Variants in AGAP1 observed in about 807,000 individuals in gnomAD.
The protein encoded by AGAP1 is arf-GAP with GTPase, ANK repeat and PH domain-containing protein 1.
AGAP1 carries 29 observed loss-of-function variants against 105.3 expected under a neutral mutation model. The observed-to-expected ratio is 0.28, with a 90% CI of 0.21 to 0.38. AGAP1 has a LOEUF of 0.38. Among genes scored for constraint, AGAP1 ranks in the 10% least tolerant of loss-of-function variants. AGAP1 has a pLI of 1.00. For missense variants in AGAP1, 998 were observed against 1,165.1 expected, an observed-to-expected ratio of 0.86 and a Z score of 2.09; for synonymous variants, 509 against 485.9, an observed-to-expected ratio of 1.05 and a Z score of -0.63.
chr2:236,015,371 A>T (rs544193050), intron 13 of AGAP1, among the ~76,000 whole-genome samples: 4 of 114,688 alleles, frequency 3.5e-5, no homozygotes, highest in Admixed American at 3.2e-4. Flanking sequence ...GGCCCGGGCC[A>T]TTTGCATGGG....
chr2:235,702,999 C>T (rs559023262), intron 1 of AGAP1, among the ~76,000 whole-genome samples: 1 of 134,640 alleles, frequency 7.4e-6, no homozygotes, highest in Non-Finnish European at 1.5e-5. Flanking sequence ...GCAATCTCAG[C>T]TCACTGCCAC....
At chr2:236,010,430 T>C (rs947636052) in intron 13 of AGAP1, among the ~76,000 whole-genome samples, 23 of 152,206 alleles carry the variant, frequency 1.5e-4, no homozygotes, top group African/African-American at 5.3e-4. Flanking sequence ...AGATTTGCTG[T>C]TTATAACGAT....
intron 11 of AGAP1, among the ~76,000 whole-genome samples, chr2:235,922,296 A>T (rs1370989716): frequency 6.6e-6 from 1 of 152,204 alleles, no homozygotes; most frequent in African/African-American, 2.4e-5. Flanking sequence ...AATAGAAGGT[A>T]TACAATTCTG....
intron 16 of AGAP1, among the ~76,000 whole-genome samples, chr2:236,112,846 G>A (rs2059683935): frequency 6.6e-6 from 1 of 152,250 alleles, no homozygotes. Context: ...TATGGCCCCA[G>A]GCCTGTCCTG....
In AGAP1 at chr2:235,882,211, G is replaced by A. The variant is rs895633196; in HGVS notation, c.1051-1134G>A. ...GAATTTGGCAATCTGATTGGGGGTGGTCCTTCAGAGACCCACAGGCCAGTG... is the reference window on the plus strand; with the variant it reads ...GAATTTGGCAATCTGATTGGGGGTGATCCTTCAGAGACCCACAGGCCAGTG... On this transcript the variant is annotated intron_variant, in intron 9 of 17. Transcript: ENST00000304032. The surrounding 1 kb of genome is among the most constrained non-coding windows in gnomAD (Gnocchi z 4.6). 2.0e-5 allele frequency among the ~76,000 whole-genome samples: 3 copies of A among 152,086 alleles called. No homozygotes were observed. The highest frequency in any genetic ancestry group is 6.6e-5 in the Admixed American group (1 of 15,258).
chr2:235,981,720 G>A lies in AGAP1; in HGVS notation c.1645+13097G>A, dbSNP rs909213374. Among the ~76,000 whole-genome samples the A allele has an allele frequency of 6.6e-6, 1 of 152,100 alleles. No homozygotes were observed. Among genetic ancestry groups the A allele is most frequent in the African/African-American group, 2.4e-5 (1 of 41,410 alleles). On this transcript the variant is annotated intron_variant, in intron 13 of 17. Transcript: ENST00000304032. The surrounding 1 kb of genome is among the most constrained non-coding windows in gnomAD (Gnocchi z 5.5). ...ACCTGGGAGGTGGGTGCCGTTATCC[G>A]CATTTTTATAACTGAGGAAACCGAG... is the stretch of plus-strand genomic sequence containing the variant.
At position 235,701,034 on chromosome 2, in the gene AGAP1, AAT is replaced by A. The variant is rs1208590417; in HGVS notation, c.164-8141_164-8140del. ...TATATGTATATATTATATATGCTATAATATAGTTATATGTATATATTATATAT... is the reference window on the plus strand; with the variant it reads ...TATATGTATATATTATATATGCTATAATAGTTATATGTATATATTATATAT... On this transcript the variant is annotated intron_variant, in intron 1 of 17. Coordinates refer to ENST00000304032, the MANE Select transcript of AGAP1 (RefSeq NM_001037131.3). This position sits in a 1 kb window ranked among gnomAD's most constrained non-coding sequence, Gnocchi z 4.1. Among the ~76,000 whole-genome samples, 3 of 139,902 alleles carry A rather than the reference AAT, an allele frequency of 2.1e-5. No homozygotes were observed. Among genetic ancestry groups the A allele is most frequent in the Admixed American group, 7.2e-5 (1 of 13,934 alleles). 91.8% of individuals were successfully genotyped at this position (139,902 alleles called of 152,430 possible). A position where few individuals can be genotyped will look rare whatever the true frequency, so the allele number is the denominator to read the frequency against.
At position 235,714,053 on chromosome 2, in the gene AGAP1, G is replaced by A. The variant is rs1312233438; in HGVS notation, c.223-3504G>A. ...TTTTGAGACAGAGTCTCACTCTGTC[G>A]CCCAGGCTGGAGTGCGGTGGTGCAA... is the stretch of plus-strand genomic sequence containing the variant. On this transcript the variant is annotated intron_variant, in intron 2 of 17. Coordinates refer to ENST00000304032, the MANE Select transcript of AGAP1 (RefSeq NM_001037131.3). The surrounding 1 kb of genome is among the most constrained non-coding windows in gnomAD (Gnocchi z 4.1). Among the ~76,000 whole-genome samples, 1 of 151,922 alleles carries A rather than the reference G, an allele frequency of 6.6e-6. No homozygotes were observed. The highest frequency in any genetic ancestry group is 1.5e-5 in the Non-Finnish European group (1 of 67,990).
In AGAP1 at chr2:235,556,565, G is replaced by A. The variant is rs1464747560; in HGVS notation, c.163+61716G>A. Among the ~76,000 whole-genome samples, 1 of 152,206 alleles carries A rather than the reference G, an allele frequency of 6.6e-6. No homozygotes were observed. Among genetic ancestry groups the A allele is most frequent in the Non-Finnish European group, 1.5e-5 (1 of 68,026 alleles). On this transcript the variant is annotated intron_variant, in intron 1 of 17. Coordinates refer to ENST00000304032, the MANE Select transcript of AGAP1 (RefSeq NM_001037131.3). This position sits in a 1 kb window ranked among gnomAD's most constrained non-coding sequence, Gnocchi z 5.3. ...TGACCAGGCACCTTGGGGGAGGGAA[G>A]GCATCAGGAGCCTTCTGCTGAGTTC...
rs539356579 is a variant in AGAP1 at position 235,857,482 on chromosome 2, G to A, written c.1051-25863G>A. 7.9e-5 allele frequency among the ~76,000 whole-genome samples: 12 copies of A among 152,268 alleles called. No homozygotes were observed. In the South Asian group the frequency reaches 2.1e-3, roughly 26 times the overall value. ...TCCTGCCTTGCAGGGTCCTGACCCC[G>A]ACCCTCCCGTTGCTCACAGTGTGTG... is the stretch of plus-strand genomic sequence containing the variant. On this transcript the variant is annotated intron_variant, in intron 9 of 17. Coordinates refer to ENST00000304032, the MANE Select transcript of AGAP1 (RefSeq NM_001037131.3).
intron 6 of AGAP1, among the ~76,000 whole-genome samples, chr2:235,767,145 A>T (rs979045687): frequency 1.1e-4 from 16 of 152,120 alleles, no homozygotes; most frequent in Admixed American, 3.9e-4. Context: ...TCCTGACCTC[A>T]GGTGATCTGC....
rs1338806756 is a variant in AGAP1, at chr2:236,090,723, GTTTGTTTTGTTT to G, written c.2115-29455_2115-29444del. On this transcript the variant is annotated intron_variant, in intron 16 of 17. Transcript: ENST00000304032. This position sits in a 1 kb window ranked among gnomAD's most constrained non-coding sequence, Gnocchi z 4.3. Reference sequence around the variant, plus strand: ...TTTTTCTTTTGTTGGTGGTGGTTGTGTTTGTTTTGTTTTTTGTTTTGTTTTGTTTTTTTGAGA... The same window carrying G: ...TTTTTCTTTTGTTGGTGGTGGTTGTGTTTGTTTTGTTTTGTTTTTTTGAGA... 6.9e-6 allele frequency among the ~76,000 whole-genome samples: 1 copy of G among 143,978 alleles called. No individual in the cohort carries two copies. Among genetic ancestry groups the G allele is most frequent in the Admixed American group, 7.0e-5 (1 of 14,372 alleles). 94.5% of individuals were successfully genotyped at this position (143,978 alleles called of 152,430 possible). A position where few individuals can be genotyped will look rare whatever the true frequency, so the allele number is the denominator to read the frequency against.
chr2:236,027,174 G>A lies in AGAP1; in HGVS notation c.1646-9387G>A, dbSNP rs2057081068. 6.6e-6 allele frequency among the ~76,000 whole-genome samples: 1 copy of A among 152,128 alleles called. No homozygotes were observed. The highest frequency in any genetic ancestry group is 1.5e-5 in the Non-Finnish European group (1 of 68,028). On this transcript the variant is annotated intron_variant, in intron 13 of 17. Coordinates refer to ENST00000304032, the MANE Select transcript of AGAP1 (RefSeq NM_001037131.3). This position sits in a 1 kb window ranked among gnomAD's most constrained non-coding sequence, Gnocchi z 4.4. ...TTATTTTTTTTAATCTTGGGAGGCA[G>A]AGAAAAGTCATATGGCAGATATAAA...
chr2:235,724,950 G>A lies in AGAP1; in HGVS notation c.310+7306G>A, dbSNP rs1489257324. 6.6e-6 allele frequency among the ~76,000 whole-genome samples: 1 copy of A among 152,190 alleles called. No homozygotes were observed. Among genetic ancestry groups the A allele is most frequent in the Non-Finnish European group, 1.5e-5 (1 of 68,030 alleles). On this transcript the variant is annotated intron_variant, in intron 3 of 17. Coordinates refer to ENST00000304032, the MANE Select transcript of AGAP1 (RefSeq NM_001037131.3). This position sits in a 1 kb window ranked among gnomAD's most constrained non-coding sequence, Gnocchi z 4.9. ...TCACATCAGAGTTTGCTAAAGGCTTGGAGGTTCTGTAGGAAGGAATGAGCC... is the reference window on the plus strand; with the variant it reads ...TCACATCAGAGTTTGCTAAAGGCTTAGAGGTTCTGTAGGAAGGAATGAGCC...
chr2:235,628,941 A>G (rs1946730694), intron 1 of AGAP1, among the ~76,000 whole-genome samples: 1 of 152,038 alleles, frequency 6.6e-6, no homozygotes, highest in South Asian at 2.1e-4. Flanking sequence ...CCTCCCGAGT[A>G]GCTGGGATTA....
chr2:235,923,865 A>G (rs2052313532), intron 11 of AGAP1, among the ~76,000 whole-genome samples: 1 of 152,210 alleles, frequency 6.6e-6, no homozygotes, highest in Non-Finnish European at 1.5e-5. Flanking sequence ...AAAGGAGAAG[A>G]GAAATCTTAA....
Position 235,519,736 on chromosome 2 carries a change from A to G in AGAP1, c.163+24887A>G, listed in dbSNP as rs557745445. Reference sequence around the variant, plus strand: ...TGTGTACCCTCAACCAGCTTCAGTAATTAGTTCATCCTGTATATACCCTGC... The same window carrying G: ...TGTGTACCCTCAACCAGCTTCAGTAGTTAGTTCATCCTGTATATACCCTGC... On this transcript the variant is annotated intron_variant, in intron 1 of 17. Coordinates refer to ENST00000304032, the MANE Select transcript of AGAP1 (RefSeq NM_001037131.3). 3.3e-5 allele frequency among the ~76,000 whole-genome samples: 5 copies of G among 152,286 alleles called. No homozygotes were observed. In the South Asian group the frequency reaches 1.0e-3, roughly 32 times the overall value.
intron 9 of AGAP1, among the ~76,000 whole-genome samples, chr2:235,808,878 C>T (rs1575522490): frequency 6.6e-6 from 1 of 152,170 alleles, no homozygotes; most frequent in East Asian, 1.9e-4. Context: ...GAGGTCCGTG[C>T]ACATAGTTGC....
chr2:235,566,579 C>T lies in AGAP1; in HGVS notation c.163+71730C>T. The T allele has an allele frequency of 1.0e-6, 1 of 985,280 alleles. No individual in the cohort carries two copies. Among genetic ancestry groups the T allele is most frequent in the Non-Finnish European group, 1.2e-6 (1 of 829,856 alleles). The allele number at this position is 985,280 out of a possible 1,614,324, so 61.0% of individuals were successfully genotyped here. ...TTTTATGGAACAGAGGACTAGATGA[C>T]CAGTGCTGTGAGTGGGCAGGTCTGT... On this transcript the variant is annotated intron_variant, in intron 1 of 17. Transcript: ENST00000304032. This position sits in a 1 kb window ranked among gnomAD's most constrained non-coding sequence, Gnocchi z 5.2.
Sources: allele counts gnomAD v4.1 joint callset (sites outside exome capture counted in the v4.1 genomes callset), GRCh38; gene constraint gnomAD v4.1.1; non-coding constraint Gnocchi (gnomAD v3.1); transcripts MANE v1.5; gene names NCBI Gene and HGNC (gene_info 2026-07-23, HGNC 2026-07-21).